The following XPO5 variants were observed in gnomAD, a reference collection of about 807,000 sequenced individuals.
XPO5 encodes exportin-5.
XPO5 carries 46 observed loss-of-function variants against 160.6 expected under a neutral mutation model. The observed-to-expected ratio is 0.29, with a 90% CI of 0.23 to 0.37. The LOEUF is 0.37. Among genes scored for constraint, XPO5 ranks in the 10% least tolerant of loss-of-function variants. The pLI is 1.00. For synonymous variants in XPO5, 537 were observed against 519.3 expected (o/e 1.03, Z -0.46); for missense variants, 1,090 against 1,463.9 (o/e 0.74, Z 4.17).
chr6:43,531,412 C>T (rs1265494083), intron 22 of XPO5, 67 bp downstream of exon 22: 2 of 1,455,462 alleles, frequency 1.4e-6, no homozygotes, highest in African/African-American at 1.4e-5. Context: ...AAAAGTCCAA[C>T]CCATGGACAT....
At chr6:43,571,059 T>G in intron 3 of XPO5, 65 bp from the exon 4 acceptor site, 1 of 1,537,482 alleles carries the variant, frequency 6.5e-7, no homozygotes, top group Non-Finnish European at 8.7e-7. Context: ...AGAAAAAAGC[T>G]GGGCTGTAGA....
At position 43,538,690 on chromosome 6, in the gene XPO5, C is replaced by T. The variant is rs557327093; in HGVS notation, c.2343-4683G>A. 443 of 422,102 alleles carry T rather than the reference C, an allele frequency of 1.0e-3. 14 individuals carry two copies. The South Asian group carries it at 0.023, about 22-fold the overall frequency. The allele number at this position is 422,102 out of a possible 1,614,324, so 26.1% of individuals were successfully genotyped here. A position where few individuals can be genotyped will look rare whatever the true frequency, so the allele number is the denominator to read the frequency against. On this transcript the variant is annotated intron_variant, in intron 20 of 31. Coordinates refer to ENST00000265351, the MANE Select transcript of XPO5 (RefSeq NM_020750.3). The stretch of plus-strand genomic sequence containing the variant: ...ACAAGTGATTTAGGCCTATAATTTT[C>T]CTCTTTGGTACTGTTAATGTCTGGT...
rs1158711109 is a variant in XPO5 at position 43,558,605 on chromosome 6, G to A, written c.1222-14C>T. On this transcript the variant is annotated splice_polypyrimidine_tract_variant and intron_variant, in intron 11 of 31. Coordinates refer to ENST00000265351, the MANE Select transcript of XPO5 (RefSeq NM_020750.3). ...AGGAAAGCCCATCTGGAAAAAGAAA[G>A]GTAATTGGGGTAGGGGATGAAAGTG... 1.3e-6 allele frequency: 2 copies of A among 1,560,646 alleles called. No homozygotes were observed. The highest frequency in any genetic ancestry group is 4.6e-5 in the East Asian group (2 of 43,056).
At chr6:43,526,110 A>G (rs1793570644) in intron 27 of XPO5, 189 bp from the exon 28 acceptor site, 1 of 593,888 alleles carries the variant, frequency 1.7e-6, no homozygotes, top group Non-Finnish European at 3.0e-6. Context: ...AGATGCACTC[A>G]AGCTGTACAT....
chr6:43,531,411 AC>A, intron 22 of XPO5, 67 bp downstream of exon 22: 1 of 1,448,112 alleles, frequency 6.9e-7, no homozygotes. Context: ...GAAAAGTCCA[AC>A]CCATGGACAT....
chr6:43,546,883 C>T (rs977450516), intron 19 of XPO5, 131 bp from the exon 20 acceptor site: 2 of 883,776 alleles, frequency 2.3e-6, no homozygotes, highest in Non-Finnish European at 3.3e-6. Context: ...TCCTCTGCTC[C>T]CCGGCAATCC....
chr6:43,539,672 G>A (rs1030307705), intron 20 of XPO5: 2 of 1,030,784 alleles, frequency 1.9e-6, no homozygotes, highest in African/African-American at 1.6e-5. Flanking sequence ...AGGGCCTCCA[G>A]GCCCCCCCAC....
Position 43,528,834 on chromosome 6 carries a change from G to C in XPO5, c.2769C>G (p.Leu923=). 1 of 1,613,624 alleles carries C rather than the reference G, an allele frequency of 6.2e-7. No individual in the cohort carries two copies. The highest frequency in any genetic ancestry group is 8.5e-7 in the Non-Finnish European group (1 of 1,179,686). ...TTCCTGACTTATCTCTTACCATATG[G>C]AGGTAGGTGAAAAGAGGTCCGAGGA... The part of the protein sequence containing the change: ...SPILGPLFTY[L]HMRLSQKWQV... Residue 923 remains leucine, a synonymous_variant, in exon 24 of 32, where the codon CTC becomes CTG. Coordinates refer to ENST00000265351, the MANE Select transcript of XPO5 (RefSeq NM_020750.3).
At chr6:43,563,480 C>T (rs1762516211) in intron 8 of XPO5, among the ~76,000 whole-genome samples, 1 of 152,160 alleles carries the variant, frequency 6.6e-6, no homozygotes, top group Non-Finnish European at 1.5e-5. Flanking sequence ...TACATGGAAG[C>T]CCTTACAGTC....
intron 2 of XPO5, 144 bp downstream of exon 2, chr6:43,573,336 A>C (rs1184796721): frequency 1.9e-6 from 2 of 1,072,222 alleles, no homozygotes; most frequent in Non-Finnish European, 2.6e-6. Context: ...AGCTCCTGTG[A>C]GGTTCTGATA....
In XPO5 at chr6:43,567,454, A is replaced by AT. The variant is rs1452148627; in HGVS notation, c.649-101dup. ...CCCATTTTCTAATTCTAAGAAAATT[A>AT]TTTTTTAAGAATATACTCATGTAAC... is the stretch of plus-strand genomic sequence containing the variant. On this transcript the variant is annotated intron_variant, in intron 6 of 31. Coordinates refer to ENST00000265351, the MANE Select transcript of XPO5 (RefSeq NM_020750.3). The AT allele has an allele frequency of 6.3e-6, 7 of 1,118,350 alleles. No individual in the cohort carries two copies. In the African/African-American group the frequency reaches 6.3e-5, roughly 10 times the overall value. 69.3% of individuals were successfully genotyped at this position (1,118,350 alleles called of 1,614,324 possible). A position where few individuals can be genotyped will look rare whatever the true frequency, so the allele number is the denominator to read the frequency against.
rs1029765244 is a variant in XPO5 at position 43,571,102 on chromosome 6, A to C, written c.301-108T>G. On this transcript the variant is annotated intron_variant, in intron 3 of 31. Coordinates refer to ENST00000265351, the MANE Select transcript of XPO5 (RefSeq NM_020750.3). ...AAAATTTATCAGCAGGCCTACTTTT[A>C]AACCAAACAGAACAAATGAACCTGT... 3.0e-4 allele frequency: 346 copies of C among 1,154,922 alleles called. 1 individual carries two copies. The highest frequency in any genetic ancestry group is 3.8e-4 in the Non-Finnish European group (310 of 821,592). 71.5% of individuals were successfully genotyped at this position (1,154,922 alleles called of 1,614,324 possible). A position where few individuals can be genotyped will look rare whatever the true frequency, so the allele number is the denominator to read the frequency against.
chr6:43,524,164 C>T (rs530463643), intron 31 of XPO5, among the ~76,000 whole-genome samples, 159 bp from the exon 32 acceptor site: 8 of 152,068 alleles, frequency 5.3e-5, no homozygotes, highest in Middle Eastern at 3.2e-3. Flanking sequence ...CCAGCCTGAC[C>T]GACATGGAGA....
rs987647430 is a variant in XPO5, at chr6:43,531,470, G to C, written c.2540+9C>G. On this transcript the variant is annotated intron_variant, in intron 22 of 31. Transcript: ENST00000265351. ...AAGAAAATATGGAGAGGCAGCATTG[G>C]TTCCTTACCAGTTTTCATAGAGGGT... 2 of 1,610,096 alleles carry C rather than the reference G, an allele frequency of 1.2e-6. No homozygotes were observed. The highest frequency in any genetic ancestry group is 1.7e-6 in the Non-Finnish European group (2 of 1,176,388).
At chr6:43,567,375 T>C (rs1245214449) in intron 6 of XPO5, 21 bp from the exon 7 acceptor site, 2 of 1,585,794 alleles carry the variant, frequency 1.3e-6, no homozygotes, top group Admixed American at 3.7e-5. Flanking sequence ...AGAAGTAACT[T>C]TGGACCATGA....
chr6:43,542,009 A>C (rs1794721660), intron 20 of XPO5, among the ~76,000 whole-genome samples: 1 of 152,124 alleles, frequency 6.6e-6, no homozygotes, highest in Non-Finnish European at 1.5e-5. Flanking sequence ...TGAACTCTTG[A>C]CCTCAAGTGA....
Position 43,530,763 on chromosome 6 carries a change from G to A in XPO5, c.2602C>T (p.Leu868Phe), listed in dbSNP as rs1388130617. ...GCTGAGCTGAGAAGCTGGGTAGCAA[G>A]GTCCTCCACAGTATAGAAGTCTTGC... ...MQQDFYTVED[L>F]ATQLLSSAFV... is the part of the protein sequence containing the mutation. Residue 868 changes from leucine (L) to phenylalanine (F), a missense_variant, in exon 23 of 32, where the codon CTT becomes TTT. Leu to Phe is a conservative substitution (Grantham distance 22, BLOSUM62 0). Coordinates refer to ENST00000265351, the MANE Select transcript of XPO5 (RefSeq NM_020750.3). The A allele has an allele frequency of 6.2e-7, 1 of 1,613,950 alleles. No individual in the cohort carries two copies. Among genetic ancestry groups the A allele is most frequent in the African/African-American group, 1.3e-5 (1 of 75,026 alleles).
At chr6:43,566,811 TAAAAAAAAA>T (rs56147929) in intron 7 of XPO5, among the ~76,000 whole-genome samples, 1 of 101,672 alleles carries the variant, frequency 9.8e-6, no homozygotes, top group South Asian at 3.1e-4. Flanking sequence ...CTGTTTCAAT[TAAAAAAAAA>T]AAAAAAAAAA....
chr6:43,547,796 G>A, intron 18 of XPO5, 89 bp from the exon 19 acceptor site: 2 of 1,158,314 alleles, frequency 1.7e-6, no homozygotes, highest in South Asian at 2.6e-5. Flanking sequence ...ATCATTATTT[G>A]GCCCTTAAGA....
Sources: gnomAD v4.1 joint callset for allele counts (sites outside exome capture counted in the v4.1 genomes callset) on GRCh38, gnomAD v4.1.1 for gene constraint, MANE v1.5 for transcripts, NCBI Gene and HGNC (gene_info 2026-07-23, HGNC 2026-07-21) for gene names.